The following PJA2 variants were observed in gnomAD, a reference collection of about 807,000 sequenced individuals.
The protein encoded by PJA2 is praja ring finger ubiquitin ligase 2, also known as E3 ubiquitin-protein ligase Praja-2.
In PJA2, 25 loss-of-function variants were observed where a neutral mutation model predicts 69.3. That is an observed-to-expected ratio of 0.36 (90% confidence interval 0.26 to 0.50). The LOEUF (loss-of-function observed/expected upper bound fraction) is 0.50. PJA2 is among the 20% of genes least tolerant of loss of function. The pLI is 0.96. For missense variants in PJA2, 809 were observed against 830.2 expected (o/e 0.97, Z 0.31); for synonymous variants, 308 against 277.8 (o/e 1.11, Z -1.08).
intron 6 of PJA2, 118 bp from the exon 7 acceptor site, chr5:109,356,144 C>A (rs1346905217): frequency 1.5e-6 from 1 of 668,698 alleles, no homozygotes; most frequent in African/African-American, 1.8e-5. Context: ...GAACAGAAGA[C>A]CTTAAAATAT....
intron 4 of PJA2, among the ~76,000 whole-genome samples, chr5:109,377,564 A>G (rs1199347032): frequency 6.6e-6 from 1 of 152,180 alleles, no homozygotes; most frequent in Non-Finnish European, 1.5e-5. Flanking sequence ...AGTCTCTGGA[A>G]TACCCAGTTA....
chr5:109,402,405 T>C (rs929368319), intron 1 of PJA2, among the ~76,000 whole-genome samples: 14 of 152,070 alleles, frequency 9.2e-5, no homozygotes, highest in Non-Finnish European at 1.9e-4. Context: ...TTAGATAAAG[T>C]AGACTTTGGA....
chr5:109,361,109 C>A (rs986866602), intron 6 of PJA2, among the ~76,000 whole-genome samples: 3 of 152,130 alleles, frequency 2.0e-5, no homozygotes, highest in Non-Finnish European at 2.9e-5. Context: ...GCCTGGGCAA[C>A]AGAACGAGAC....
At chr5:109,371,148 T>C (rs1762669164) in intron 4 of PJA2, among the ~76,000 whole-genome samples, 1 of 152,122 alleles carries the variant, frequency 6.6e-6, no homozygotes, top group Non-Finnish European at 1.5e-5. Flanking sequence ...CATCAGCTCC[T>C]TTAAGAAAAG....
intron 4 of PJA2, 86 bp downstream of exon 4, chr5:109,378,118 C>G: frequency 1.1e-6 from 1 of 951,172 alleles, no homozygotes; most frequent in Non-Finnish European, 1.6e-6. Flanking sequence ...CTGATCATAT[C>G]AAATAGCCCA....
intron 1 of PJA2, among the ~76,000 whole-genome samples, chr5:109,409,629 G>A (rs1747782333): frequency 1.3e-5 from 2 of 151,938 alleles, no homozygotes; most frequent in Admixed American, 6.5e-5. Flanking sequence ...GCCCGGGTCC[G>A]GGCTGGACAG....
chr5:109,368,823 T>G lies in PJA2; in HGVS notation c.1284-77A>C, dbSNP rs1367053338. ...CATTTGGGGTGTTAACTAGATGATA[T>G]GGTTTGGATCTGTGTCCCCACCAAA... On this transcript the variant is annotated intron_variant, in intron 4 of 9. Transcript: ENST00000361189. 9.8e-6 allele frequency: 14 copies of G among 1,427,946 alleles called. No homozygotes were observed. The Admixed American group carries it at 1.1e-4, about 11-fold the overall frequency. 88.5% of individuals were successfully genotyped at this position (1,427,946 alleles called of 1,614,324 possible).
intron 2 of PJA2, among the ~76,000 whole-genome samples, chr5:109,382,341 TA>T (rs1747070398): frequency 6.6e-6 from 1 of 152,174 alleles, no homozygotes; most frequent in Non-Finnish European, 1.5e-5. Context: ...TATGTTATGG[TA>T]AGAAAAGCCA....
chr5:109,377,107 C>T (rs1746910154), intron 4 of PJA2, among the ~76,000 whole-genome samples: 1 of 152,004 alleles, frequency 6.6e-6, no homozygotes, highest in Admixed American at 6.6e-5. Flanking sequence ...CAGACTTTGA[C>T]AGAGCAGCAG....
At chr5:109,400,197 C>T (rs903473588) in intron 1 of PJA2, among the ~76,000 whole-genome samples, 10 of 150,842 alleles carry the variant, frequency 6.6e-5, no homozygotes, top group African/African-American at 1.7e-4. Context: ...GGCTGAGGTA[C>T]GGAGAATCGC....
chr5:109,343,180 T>TG (rs1281015520), intron 9 of PJA2, among the ~76,000 whole-genome samples: 36 of 122,350 alleles, frequency 2.9e-4, no homozygotes, highest in African/African-American at 1.1e-3. Context: ...TCCTCTCTCT[T>TG]GGGATCCTGT....
At chr5:109,347,429 T>C (rs1762188288) in intron 7 of PJA2, among the ~76,000 whole-genome samples, 1 of 152,222 alleles carries the variant, frequency 6.6e-6, no homozygotes, top group Admixed American at 6.5e-5. Context: ...AGCATCAGAC[T>C]CCTCCAGTGT....
intron 1 of PJA2, among the ~76,000 whole-genome samples, chr5:109,403,851 C>G (rs1747620060): frequency 6.6e-6 from 1 of 150,974 alleles, no homozygotes. Flanking sequence ...GCGGGCAGAT[C>G]ACGAGGTGAG....
At chr5:109,372,752 A>G (rs1208769886) in intron 4 of PJA2, among the ~76,000 whole-genome samples, 1 of 151,676 alleles carries the variant, frequency 6.6e-6, no homozygotes, top group Non-Finnish European at 1.5e-5. Context: ...CTAAAAATAC[A>G]AAATTAGCTG....
At chr5:109,337,428 A>C in intron 9 of PJA2, 72 bp from the exon 10 acceptor site, 2 of 1,477,936 alleles carry the variant, frequency 1.4e-6, no homozygotes, top group Admixed American at 4.9e-5. Context: ...AATAAAGAAA[A>C]AACAGTGTCA....
intron 1 of PJA2, among the ~76,000 whole-genome samples, chr5:109,397,096 T>C (rs935025714): frequency 1.3e-5 from 2 of 152,192 alleles, no homozygotes; most frequent in African/African-American, 4.8e-5. Context: ...ACTTAGCCCT[T>C]TTCGCTCTTT....
At position 109,334,914 on chromosome 5, in the gene PJA2, AAC is replaced by A. The variant is rs1317258695; in HGVS notation, c.*2315_*2316del. 6.6e-6 allele frequency: 1 copy of A among 152,660 alleles called. No homozygotes were observed. The highest frequency in any genetic ancestry group is 2.4e-5 in the African/African-American group (1 of 41,472). The allele number at this position is 152,660 out of a possible 1,614,324, so 9.5% of individuals were successfully genotyped here. Reference sequence around the variant, plus strand: ...AATCTTAAGAGTTAAACAATTAAGAAACACAAAGAATACCACATAGATCTACC... The same window carrying A: ...AATCTTAAGAGTTAAACAATTAAGAAACAAAGAATACCACATAGATCTACC... On this transcript the variant is annotated 3_prime_UTR_variant, in exon 10 of 10. Transcript: ENST00000361189.
chr5:109,339,414 T>C (rs868479784), intron 9 of PJA2, among the ~76,000 whole-genome samples: 1 of 152,092 alleles, frequency 6.6e-6, no homozygotes, highest in Non-Finnish European at 1.5e-5. Flanking sequence ...TGTAACAAAG[T>C]TGCACATGTA....
chr5:109,378,486 T>C lies in PJA2; in HGVS notation c.1001A>G (p.Asn334Ser), dbSNP rs1384837967. The C allele has an allele frequency of 4.3e-6, 7 of 1,614,178 alleles. No individual in the cohort carries two copies. The highest frequency in any genetic ancestry group is 1.6e-4 in the Middle Eastern group (1 of 6,062). Residue 334 changes from asparagine to serine, a missense_variant, in exon 4 of 10, where the codon AAT (asparagine) becomes AGT (serine). Physicochemically the swap from Asn to Ser is conservative, Grantham distance 46. Around this residue, in one of 4 missense-constraint regions of PJA2, gnomAD observed 700 missense variants for 639.5 expected, o/e 1.09. Transcript: ENST00000361189. ...SSQVDQETGF[N>S]RHEAKQRSVQ... ...ACTTCTTTGTTTCGCCTCATGCCTA[T>C]TAAAACCTGTTTCTTGGTCCACCTG...
Sources: gnomAD v4.1 joint callset for allele counts (sites outside exome capture counted in the v4.1 genomes callset) on GRCh38, gnomAD v4.1.1 for gene constraint, gnomAD v4.1.1 regional missense constraint, MANE v1.5 for transcripts, NCBI Gene and HGNC (gene_info 2026-07-23, HGNC 2026-07-21) for gene names.